Variants in COL16A1 observed in about 807,000 individuals in gnomAD.
COL16A1 encodes collagen type XVI alpha 1 chain.
COL16A1 carries 189 observed loss-of-function variants against 266.3 expected under a neutral mutation model. That is an observed-to-expected ratio of 0.71 (90% CI 0.63 to 0.80). The LOEUF is 0.80. Among genes scored for constraint, COL16A1 ranks in the 30% least tolerant of loss-of-function variants. The pLI is 0.00. For missense variants in COL16A1, 1,928 were observed against 2,122.4 expected, an observed-to-expected ratio of 0.91 and a Z score of 1.80; for synonymous variants, 740 against 782.3, an observed-to-expected ratio of 0.95 and a Z score of 0.90.
chr1:31,671,618 A>G lies in COL16A1; in HGVS notation c.3147T>C (p.Pro1049=), dbSNP rs983500036. Reference sequence around the variant, plus strand: ...CCAGGGCACCACTGATACTTACGATAGGGCCTGGAGGACCCGGGGAGCCCC... The same window carrying G: ...CCAGGGCACCACTGATACTTACGATGGGGCCTGGAGGACCCGGGGAGCCCC... ...GMRGSPGPPG[P]IGPPGFPGAV... Residue 1049 remains proline, a synonymous_variant, in exon 48 of 71, where the codon CCT becomes CCC. Coordinates refer to ENST00000373672, the MANE Select transcript of COL16A1 (RefSeq NM_001856.4). 2 of 1,614,024 alleles carry G rather than the reference A, an allele frequency of 1.2e-6. No homozygotes were observed. The highest frequency in any genetic ancestry group is 1.7e-6 in the Non-Finnish European group (2 of 1,179,996).
At position 31,686,162 on chromosome 1, in the gene COL16A1, GC is replaced by G. The variant is rs199967652; in HGVS notation, c.1840-28del. ...TGCATGTTAAGACGCTACAGGTAAT[GC>G]CCAGCATCTGCCAGGGCCATGCCTA... On this transcript the variant is annotated intron_variant, in intron 27 of 70. Transcript: ENST00000373672. 5,545 of 1,614,106 alleles carry G rather than the reference GC, an allele frequency of 3.4e-3. 168 individuals carry two copies. The African/African-American group carries it at 0.063, about 18-fold the overall frequency.
intron 2 of COL16A1, among the ~76,000 whole-genome samples, chr1:31,701,201 G>A (rs1013405174): frequency 2.6e-5 from 4 of 152,154 alleles, no homozygotes; most frequent in East Asian, 1.9e-4. Context: ...GACCATCACT[G>A]TCTTCAGCAT....
chr1:31,669,303 C>T (rs555780464), intron 49 of COL16A1, among the ~76,000 whole-genome samples: 1 of 152,038 alleles, frequency 6.6e-6, no homozygotes, highest in African/African-American at 2.4e-5. Flanking sequence ...ATACCCAACA[C>T]TTACCTGTCC....
intron 32 of COL16A1, 33 bp from the exon 33 acceptor site, chr1:31,684,036 A>G (rs768533443): frequency 1.2e-6 from 2 of 1,614,076 alleles, no homozygotes; most frequent in South Asian, 1.1e-5. Flanking sequence ...TGGAGTCCCC[A>G]CAGGAGAAAG....
chr1:31,692,137 T>C, intron 16 of COL16A1, 70 bp from the exon 17 acceptor site: 1 of 1,607,198 alleles, frequency 6.2e-7, no homozygotes, highest in African/African-American at 1.3e-5. Context: ...CTCCATCTGG[T>C]GGAGGGACAA....
At chr1:31,665,372 C>G in intron 55 of COL16A1, 138 bp from the exon 56 acceptor site, 1 of 1,425,848 alleles carries the variant, frequency 7.0e-7, no homozygotes, top group Non-Finnish European at 9.5e-7. Flanking sequence ...GGGAGCATTA[C>G]GTCTGCCTGG....
At chr1:31,679,322 G>A in intron 42 of COL16A1, 1 of 1,279,774 alleles carries the variant, frequency 7.8e-7, no homozygotes, top group African/African-American at 1.5e-5. Flanking sequence ...AATGAGTGTT[G>A]AATGCTACTC....
In COL16A1 at chr1:31,698,533, G is replaced by T. The variant is rs777345774; in HGVS notation, c.340C>A (p.Gln114Lys). Residue 114 changes from glutamine (Q) to lysine (K), a missense_variant, in exon 5 of 71, where the codon CAG (glutamine) becomes AAG (lysine). Transcript: ENST00000373672. The surrounding 1 kb of genome is among the most constrained non-coding windows in gnomAD (Gnocchi z 4.1). ...ACTTGAAACAGATACCACGTCTTCT[G>T]GTGGGTGTGTTTCTTCAGCAGTAGT... is the stretch of plus-strand genomic sequence containing the variant. ...LTLLLKKHTHQKTWYLFQVTD... is the reference protein window; with the variant it reads ...LTLLLKKHTHKKTWYLFQVTD... 1.2e-6 allele frequency: 2 copies of T among 1,614,146 alleles called. No individual in the cohort carries two copies. The highest frequency in any genetic ancestry group is 1.7e-6 in the Non-Finnish European group (2 of 1,180,034).
chr1:31,673,142 C>T (rs1005872371), intron 44 of COL16A1: 17 of 444,716 alleles, frequency 3.8e-5, no homozygotes, highest in South Asian at 6.1e-5. Flanking sequence ...CCATCTGTCC[C>T]GGCTGTTCCT....
At chr1:31,682,844 G>T in intron 37 of COL16A1, 90 bp downstream of exon 37, 2 of 1,522,742 alleles carry the variant, frequency 1.3e-6, no homozygotes, top group Non-Finnish European at 1.8e-6. Flanking sequence ...GTGCTGCTGG[G>T]ATGGGCAGGG....
rs58530152 is a variant in COL16A1, at chr1:31,656,823, TAAAA to T, written c.4056+206_4056+209del. 533 of 478,990 alleles carry T rather than the reference TAAAA, an allele frequency of 1.1e-3. No homozygotes were observed. The highest frequency in any genetic ancestry group is 1.7e-3 in the South Asian group (53 of 31,832). 29.7% of individuals were successfully genotyped at this position (478,990 alleles called of 1,614,324 possible). ...TTTCTTTTTGACCAGGTACAGGGTT[TAAAA>T]AAAAAAAAAAAAAGGTAAAACAAAT... On this transcript the variant is annotated intron_variant, in intron 65 of 70. Transcript: ENST00000373672. The surrounding 1 kb of genome is among the most constrained non-coding windows in gnomAD (Gnocchi z 4.2).
rs974179061 is a variant in COL16A1 at position 31,694,025 on chromosome 1, T to G, written c.1008+119A>C. The G allele has an allele frequency of 5.6e-6, 5 of 886,968 alleles. No individual in the cohort carries two copies. The South Asian group carries it at 8.1e-5, about 14-fold the overall frequency. The allele number at this position is 886,968 out of a possible 1,614,324, so 54.9% of individuals were successfully genotyped here. A position where few individuals can be genotyped will look rare whatever the true frequency, so the allele number is the denominator to read the frequency against. On this transcript the variant is annotated intron_variant, in intron 12 of 70. Transcript: ENST00000373672. ...TTACCACGCATACACTTAATCACCC[T>G]ACACACATACAGGCTCAGGTGGCCC...
intron 20 of COL16A1, 110 bp downstream of exon 20, chr1:31,691,057 AGCCTCCTCCTCCAAAGGCCCG>A: frequency 7.0e-7 from 1 of 1,432,404 alleles, no homozygotes; most frequent in Non-Finnish European, 9.4e-7. Context: ...AGCCGAGCCC[AGCCTCCTCCTCCAAAGGCCCG>A]GCCTCCTCCC....
Position 31,656,437 on chromosome 1 carries a change from G to A in COL16A1, c.4064C>T (p.Pro1355Leu). The A allele has an allele frequency of 6.2e-7, 1 of 1,612,846 alleles. No individual in the cohort carries two copies. The highest frequency in any genetic ancestry group is 8.5e-7 in the Non-Finnish European group (1 of 1,179,588). Residue 1355 changes from proline to leucine, a missense_variant, in exon 66 of 71, where the codon CCT becomes CTT. Around this residue, in one of 2 missense-constraint regions of COL16A1, gnomAD observed 376 missense variants for 485.2 expected, o/e 0.77. Transcript: ENST00000373672. This position sits in a 1 kb window ranked among gnomAD's most constrained non-coding sequence, Gnocchi z 4.2. Reference protein sequence around the residue: ...TDGAAGKEGPPGKQGFYGPPG... With the variant: ...TDGAAGKEGPLGKQGFYGPPG... The stretch of plus-strand genomic sequence containing the variant: ...AGGTCCATAGAATCCCTGCTTTCCA[G>A]GGGGTCCCTAGAGGAAAGCAAAAGT...
chr1:31,681,704 G>A (rs994224047), intron 37 of COL16A1, among the ~76,000 whole-genome samples: 5 of 152,252 alleles, frequency 3.3e-5, no homozygotes, highest in African/African-American at 1.2e-4. Context: ...GCTCAGGCCA[G>A]GAGAAGCCAG....
chr1:31,665,979 GC>G (rs1158184170), intron 53 of COL16A1, 44 bp from the exon 54 acceptor site: 2 of 1,613,600 alleles, frequency 1.2e-6, no homozygotes, highest in Non-Finnish European at 1.7e-6. Context: ...TAATCTTCCT[GC>G]CCTCAGACCC....
intron 19 of COL16A1, 39 bp from the exon 20 acceptor site, chr1:31,691,265 A>G: frequency 1.2e-6 from 2 of 1,611,334 alleles, no homozygotes; most frequent in Non-Finnish European, 1.7e-6. Flanking sequence ...GTTTCCAGGG[A>G]CCACTCGCTA....
intron 12 of COL16A1, among the ~76,000 whole-genome samples, chr1:31,693,415 T>A (rs1644364835): frequency 6.6e-6 from 1 of 151,238 alleles, no homozygotes; most frequent in Non-Finnish European, 1.5e-5. Flanking sequence ...GGGTATCCCA[T>A]CCCCCACACC....
chr1:31,654,141 C>T lies in COL16A1; in HGVS notation c.4358-98G>A, dbSNP rs1011882374. 7 of 1,492,944 alleles carry T rather than the reference C, an allele frequency of 4.7e-6. No homozygotes were observed. In the African/African-American group the frequency reaches 9.8e-5, roughly 21 times the overall value. 92.5% of individuals were successfully genotyped at this position (1,492,944 alleles called of 1,614,324 possible). ...ATATAGGCCACCAGCATGAAGTCCA[C>T]AGCAGCCTTCCTTCACAGGGATGTC... is the stretch of plus-strand genomic sequence containing the variant. On this transcript the variant is annotated intron_variant, in intron 68 of 70. Transcript: ENST00000373672.
Sources: allele counts gnomAD v4.1 joint callset (sites outside exome capture counted in the v4.1 genomes callset), GRCh38; gene constraint gnomAD v4.1.1; regional missense constraint gnomAD v4.1.1; non-coding constraint Gnocchi (gnomAD v3.1); transcripts MANE v1.5; gene names NCBI Gene and HGNC (gene_info 2026-07-23, HGNC 2026-07-21).